Variants in PLCXD1 observed in about 807,000 individuals in gnomAD.
The protein encoded by PLCXD1 is PI-PLC X domain-containing protein 1.
Under a neutral mutation model 37.8 loss-of-function variants are expected in PLCXD1, and 45 were observed. The observed-to-expected ratio is 1.19, with a 90% CI of 0.94 to 1.53. The LOEUF (loss-of-function observed/expected upper bound fraction) is 1.53. Among genes scored for constraint, PLCXD1 ranks in the 40% most tolerant of loss-of-function variants. The pLI, the probability that PLCXD1 is intolerant of heterozygous loss-of-function variation, is 0.00. For synonymous variants in PLCXD1, 246 were observed against 206.9 expected, an observed-to-expected ratio of 1.19 and a Z score of -1.62; for missense variants, 539 against 454.7, an observed-to-expected ratio of 1.19 and a Z score of -1.69.
chrX:292,045 T>C (rs1248315154), intron 5 of PLCXD1, among the ~76,000 whole-genome samples: 1 of 151,986 alleles, frequency 6.6e-6, no homozygotes, highest in Non-Finnish European at 1.5e-5. Flanking sequence ...CTCACGCTTG[T>C]CATCCCAGGA....
chrX:280,093 C>A (rs2069230750), upstream of PLCXD1, among the ~76,000 whole-genome samples: 1 of 152,230 alleles, frequency 6.6e-6, no homozygotes, highest in Non-Finnish European at 1.5e-5. Context: ...AGGTGATCCG[C>A]CCGCCTCGGC....
chrX:293,809 A>G lies in PLCXD1; in HGVS notation c.733+591A>G, dbSNP rs375370979. ...TAGTGTGTGAATCCATTTACAGGAA[A>G]TGCCCAGAACATGCCAATCCAGAGA... On this transcript the variant is annotated intron_variant, in intron 6 of 6. Coordinates refer to ENST00000381657, the MANE Select transcript of PLCXD1 (RefSeq NM_018390.4). Among the ~76,000 whole-genome samples the G allele has an allele frequency of 1.0e-3, 157 of 152,294 alleles. 1 individual carries two copies. The highest frequency in any genetic ancestry group is 3.6e-3 in the African/African-American group (148 of 41,564).
chrX:288,790 A>G lies in PLCXD1; in HGVS notation c.185A>G (p.Glu62Gly), dbSNP rs764054943. The G allele has an allele frequency of 8.7e-6, 14 of 1,613,656 alleles. No individual in the cohort carries two copies. The highest frequency in any genetic ancestry group is 1.2e-5 in the Non-Finnish European group (14 of 1,179,696). Residue 62 changes from glutamate (E) to glycine (G), a missense_variant, in exon 3 of 7, where the codon GAG becomes GGG. By Grantham distance (98) the Glu-to-Gly change is moderately conservative (BLOSUM62 -2). Transcript: ENST00000381657. ...LNKKSPISHE[E>G]SRLLQLLNKA... ...AAGAAGTCCCCCATTTCGCACGAGG[A>G]GTCCCGGCTGCTGCAGCTGCTGAAC...
upstream of PLCXD1, among the ~76,000 whole-genome samples, chrX:279,628 G>A (rs2069220384): frequency 6.6e-6 from 1 of 152,042 alleles, no homozygotes; most frequent in Admixed American, 6.6e-5. Context: ...CAAAAAATTA[G>A]CTGGGAATGG....
chrX:288,170 T>A (rs2069516781), intron 2 of PLCXD1, among the ~76,000 whole-genome samples: 1 of 151,864 alleles, frequency 6.6e-6, no homozygotes, highest in Admixed American at 6.6e-5. Context: ...GACTTCATCT[T>A]GAGCATTTTG....
chrX:278,692 T>C (rs775725343), upstream of PLCXD1, among the ~76,000 whole-genome samples: 8 of 140,542 alleles, frequency 5.7e-5, no homozygotes, highest in South Asian at 1.6e-3. Flanking sequence ...TGAGCCGAGA[T>C]TGCACCACTG....
rs28781313 is a variant in PLCXD1, at chrX:301,069, G to C, written c.*1734G>C. ...TCTGTCACCCAGGCTGGAGGGCAGT[G>C]GTACAGTCATAGCTCACTGCAGCCT... On this transcript the variant is annotated 3_prime_UTR_variant, in exon 7 of 7. Coordinates refer to ENST00000381657, the MANE Select transcript of PLCXD1 (RefSeq NM_018390.4). 0.052 allele frequency: 7,918 copies of C among 152,292 alleles called. 446 individuals carry two copies. The highest frequency in any genetic ancestry group is 0.13 in the African/African-American group (5,471 of 41,470). 9.4% of individuals were successfully genotyped at this position (152,292 alleles called of 1,614,324 possible).
At chrX:278,832 C>T (rs371863743), upstream of PLCXD1, among the ~76,000 whole-genome samples, 34 of 151,392 alleles carry the variant, frequency 2.2e-4, 1 homozygote, top group African/African-American at 5.8e-4. Flanking sequence ...CCTAGGTGGT[C>T]GGAGGACATC....
intron 2 of PLCXD1, among the ~76,000 whole-genome samples, chrX:287,960 G>C (rs2069510289): frequency 1.3e-5 from 2 of 151,952 alleles, no homozygotes; most frequent in Non-Finnish European, 2.9e-5. Context: ...GTCAAGATAT[G>C]GGCAGGACCA....
intron 2 of PLCXD1, among the ~76,000 whole-genome samples, chrX:286,544 T>C (rs2069456450): frequency 6.6e-6 from 1 of 152,046 alleles, no homozygotes; most frequent in African/African-American, 2.4e-5. Context: ...AGAGCCGAGC[T>C]CCTTAAAAAA....
chrX:291,019 G>A (rs182526248), intron 4 of PLCXD1, among the ~76,000 whole-genome samples: 6 of 150,784 alleles, frequency 4.0e-5, no homozygotes, highest in African/African-American at 9.9e-5. Flanking sequence ...CCAAGCTCCC[G>A]TGGGGATGAA....
At chrX:296,306 C>T (rs1341734570) in intron 6 of PLCXD1, among the ~76,000 whole-genome samples, 1 of 151,606 alleles carries the variant, frequency 6.6e-6, no homozygotes, top group Non-Finnish European at 1.5e-5. Flanking sequence ...TGTGTTTTTA[C>T]TAGAGAAAGG....
intron 4 of PLCXD1, among the ~76,000 whole-genome samples, chrX:291,139 C>CT (rs376663400): frequency 0.026 from 3,790 of 144,934 alleles, 120 homozygotes; most frequent in African/African-American, 0.082. Context: ...ACGGAGATTT[C>CT]TTTTTTTTTT....
At chrX:294,153 C>T (rs2069724974) in intron 6 of PLCXD1, among the ~76,000 whole-genome samples, 1 of 152,078 alleles carries the variant, frequency 6.6e-6, no homozygotes, top group Non-Finnish European at 1.5e-5. Flanking sequence ...GCCTGGCCAA[C>T]ATGGCGAAAC....
At chrX:281,097 GGGGGGGCCGTGCAGGCGGA>G, upstream of PLCXD1, 1 of 47,738 alleles carries the variant, frequency 2.1e-5, no homozygotes, top group Non-Finnish European at 4.2e-5. Context: ...TGCAGGGGGA[GGGGGGGCCGTGCAGGCGGA>G]GGGGGGCCGT....
At position 291,589 on chromosome X, in the gene PLCXD1, G is replaced by GC; in HGVS notation, c.484_485insC (p.Asp162AlafsTer42). On this transcript the variant is annotated frameshift_variant, in exon 5 of 7. Coordinates refer to ENST00000381657, the MANE Select transcript of PLCXD1 (RefSeq NM_018390.4). LOFTEE classifies it high-confidence loss of function. ...CAGAAACTTCGAGGGGCTGAGCGAG[G>GC]ACCTGCACGAGTACCTGGTCGCCTG... is the stretch of plus-strand genomic sequence containing the variant. The GC allele has an allele frequency of 1.9e-6, 3 of 1,613,110 alleles. No homozygotes were observed. Among genetic ancestry groups the GC allele is most frequent in the Non-Finnish European group, 2.5e-6 (3 of 1,179,848 alleles).
chrX:285,534 T>C (rs1401612164), intron 2 of PLCXD1, among the ~76,000 whole-genome samples: 1 of 143,992 alleles, frequency 6.9e-6, no homozygotes, highest in Non-Finnish European at 1.5e-5. Flanking sequence ...CACACGTACA[T>C]GCATGCACAC....
chrX:288,352 G>C (rs939351786), intron 2 of PLCXD1, among the ~76,000 whole-genome samples: 2 of 150,736 alleles, frequency 1.3e-5, no homozygotes, highest in Non-Finnish European at 3.0e-5. Flanking sequence ...CCCAGCTCCT[G>C]GGGGCTCCAG....
intron 6 of PLCXD1, among the ~76,000 whole-genome samples, chrX:294,446 A>G (rs765315922): frequency 2.9e-4 from 43 of 149,422 alleles, no homozygotes; most frequent in Non-Finnish European, 5.1e-4. Flanking sequence ...CACGCCACTG[A>G]ACTCCAGCCT....
Sources: gnomAD v4.1 joint callset for allele counts (sites outside exome capture counted in the v4.1 genomes callset) on GRCh38, gnomAD v4.1.1 for gene constraint, MANE v1.5 for transcripts, NCBI Gene and HGNC (gene_info 2026-07-23, HGNC 2026-07-21) for gene names.